The following AFM variants were observed in gnomAD, a reference collection of about 807,000 sequenced individuals.
AFM encodes the protein alpha-Alb.
In AFM, 82 loss-of-function variants were observed where a neutral mutation model predicts 68.7. The observed-to-expected ratio is 1.19, with a 90% CI of 1.00 to 1.43. The LOEUF is 1.43. Ranked by LOEUF, AFM falls within the 40% of genes most tolerant of loss-of-function variation. The pLI is 0.00. For synonymous variants in AFM, 250 were observed against 234.2 expected (o/e 1.07, Z -0.61); for missense variants, 772 against 701.8 (o/e 1.10, Z -1.13).
rs546503931 is a variant in AFM, at chr4:73,501,548, T to C, written c.1647-239T>C. On this transcript the variant is annotated intron_variant, in intron 12 of 14. Coordinates refer to ENST00000226355, the MANE Select transcript of AFM (RefSeq NM_001133.2). ...TTCTCGTCATCCCTCTCTTCCTCCT[T>C]GTTAATACTTTTTGTATAATTTTGT... Among the ~76,000 whole-genome samples the C allele has an allele frequency of 1.4e-3, 208 of 152,238 alleles. 2 individuals carry two copies. Among genetic ancestry groups the C allele is most frequent in the Non-Finnish European group, 2.6e-3 (174 of 68,016 alleles).
chr4:73,486,933 C>T, intron 4 of AFM, 34 bp from the exon 5 acceptor site: 1 of 1,600,002 alleles, frequency 6.2e-7, no homozygotes, highest in Non-Finnish European at 8.5e-7. Context: ...TCTTCCCTCA[C>T]CCGTCTTCTC....
Position 73,488,680 on chromosome 4 carries a change from T to G in AFM, c.764T>G (p.Leu255Arg). 4 of 1,613,062 alleles carry G rather than the reference T, an allele frequency of 2.5e-6. No individual in the cohort carries two copies. Among genetic ancestry groups the G allele is most frequent in the Non-Finnish European group, 3.4e-6 (4 of 1,179,330 alleles). Reference protein sequence around the residue: ...QKFPKIEFKELISLVEDVSSN... With the variant: ...QKFPKIEFKERISLVEDVSSN... ...TTCCCCAAGATTGAATTTAAGGAGCTTATTTCTCTTGTAGAAGATGTTTCT... is the reference window on the plus strand; with the variant it reads ...TTCCCCAAGATTGAATTTAAGGAGCGTATTTCTCTTGTAGAAGATGTTTCT... Residue 255 changes from leucine (L) to arginine (R), a missense_variant, in exon 7 of 15, where the codon CTT (leucine) becomes CGT (arginine). Physicochemically the swap from Leu to Arg is moderately radical, Grantham distance 102 (BLOSUM62 -2). Coordinates refer to ENST00000226355, the MANE Select transcript of AFM (RefSeq NM_001133.2).
rs755167526 is a variant in AFM, at chr4:73,499,258, C to T, written c.1422+12C>T. The stretch of plus-strand genomic sequence containing the variant: ...GTGTTGATAATTTGGTGAGCATGGC[C>T]TGTGTACCAGACTACTCTTTTTTTT... On this transcript the variant is annotated intron_variant, in intron 11 of 14. Coordinates refer to ENST00000226355, the MANE Select transcript of AFM (RefSeq NM_001133.2). The T allele has an allele frequency of 6.3e-7, 1 of 1,588,392 alleles. No homozygotes were observed. Among genetic ancestry groups the T allele is most frequent in the South Asian group, 1.1e-5 (1 of 87,370 alleles).
chr4:73,502,746 T>C (rs2149347617), intron 13 of AFM, among the ~76,000 whole-genome samples: 2 of 152,290 alleles, frequency 1.3e-5, no homozygotes, highest in South Asian at 4.1e-4. Flanking sequence ...TTTTCTGGGG[T>C]ACATATTACT....
chr4:73,485,907 CA>C lies in AFM; in HGVS notation c.320del (p.Lys107SerfsTer53). 6.2e-7 allele frequency: 1 copy of C among 1,614,036 alleles called. No homozygotes were observed. The highest frequency in any genetic ancestry group is 1.1e-5 in the South Asian group (1 of 91,074). ...AATATGTGCTATGGAGGGGCTGCCACAAAAGCATAATTTCTCACACTGCTGC... is the reference window on the plus strand; with the variant it reads ...AATATGTGCTATGGAGGGGCTGCCACAAAGCATAATTTCTCACACTGCTGC... ...EKICAMEGLP[Q>X]KHNFSHCCSK... is the part of the protein sequence containing the mutation. On this transcript the variant is annotated frameshift_variant, in exon 4 of 15. Coordinates refer to ENST00000226355, the MANE Select transcript of AFM (RefSeq NM_001133.2). LOFTEE classifies it high-confidence loss of function.
intron 7 of AFM, 61 bp downstream of exon 7, chr4:73,488,820 C>T (rs1228648516): frequency 3.3e-6 from 5 of 1,537,542 alleles, no homozygotes; most frequent in Non-Finnish European, 4.4e-6. Flanking sequence ...TTTTTTTATT[C>T]TCAAGTTGCC....
chr4:73,487,208 T>G, intron 5 of AFM, 109 bp downstream of exon 5: 1 of 1,156,538 alleles, frequency 8.6e-7, no homozygotes, highest in Non-Finnish European at 1.2e-6. Context: ...TATGATGTTC[T>G]CTTGTCACAT....
chr4:73,488,868 G>A, intron 7 of AFM, 109 bp downstream of exon 7: 1 of 1,057,668 alleles, frequency 9.5e-7, no homozygotes, highest in Non-Finnish European at 1.4e-6. Flanking sequence ...AAATCAGAAT[G>A]TGATTTAACT....
At chr4:73,487,128 G>C (rs753878506) in intron 5 of AFM, 29 bp downstream of exon 5, 1 of 1,612,084 alleles carries the variant, frequency 6.2e-7, no homozygotes, top group Admixed American at 1.7e-5. Context: ...CCATGAAGAG[G>C]ATAAGAAATC....
chr4:73,486,156 C>A, intron 4 of AFM, 83 bp downstream of exon 4: 1 of 1,131,732 alleles, frequency 8.8e-7, no homozygotes, highest in Non-Finnish European at 1.3e-6. Flanking sequence ...ATAAATATGG[C>A]TGGGTTCATT....
At chr4:73,498,326 C>A (rs951738838) in intron 10 of AFM, among the ~76,000 whole-genome samples, 2 of 151,942 alleles carry the variant, frequency 1.3e-5, no homozygotes, top group Non-Finnish European at 2.9e-5. Context: ...CTCTCTGTCA[C>A]CCAGGCTGGA....
In AFM at chr4:73,486,982, TG is replaced by T; in HGVS notation, c.499del (p.Ala167ProfsTer13). 1 of 1,613,462 alleles carries T rather than the reference TG, an allele frequency of 6.2e-7. No homozygotes were observed. On this transcript the variant is annotated frameshift_variant, in exon 5 of 15. Coordinates refer to ENST00000226355, the MANE Select transcript of AFM (RefSeq NM_001133.2). LOFTEE classifies it high-confidence loss of function. The stretch of plus-strand genomic sequence containing the variant: ...TTTTTTATAGCTTTTTATATGAAGT[TG>T]CCAGAAGGAACCCATTTGTCTTCGC... ...SLLNHFLYEV[A>X]RRNPFVFAPT... is the part of the protein sequence containing the mutation.
chr4:73,487,999 T>C (rs926247146), intron 6 of AFM, among the ~76,000 whole-genome samples, 178 bp downstream of exon 6: 1 of 151,970 alleles, frequency 6.6e-6, no homozygotes, highest in South Asian at 2.1e-4. Context: ...GAGAGAAGTT[T>C]TGGGAGGTGA....
rs2276444 is a variant in AFM, at chr4:73,497,670, A to T, written c.1210A>T (p.Thr404Ser). 905 of 1,605,894 alleles carry T rather than the reference A, an allele frequency of 5.6e-4. 13 individuals carry two copies. The East Asian group carries it at 0.017, about 30-fold the overall frequency. The stretch of plus-strand genomic sequence containing the variant: ...TTTTCAGGAAGACAAATTCAATGAG[A>T]CAACTGAGAAAAGCCTCAAGATGGT... Reference protein sequence around the residue: ...YRYAEDKFNETTEKSLKMVQQ... With the variant: ...YRYAEDKFNESTEKSLKMVQQ... The change falls in exon 10 of 15, where the codon ACA becomes TCA. Residue 404 changes from threonine to serine, a missense_variant. By Grantham distance (58) the Thr-to-Ser change is moderately conservative (BLOSUM62 1). Coordinates refer to ENST00000226355, the MANE Select transcript of AFM (RefSeq NM_001133.2).
At chr4:73,483,522 C>G (rs1466404106) in intron 1 of AFM, among the ~76,000 whole-genome samples, 2 of 152,230 alleles carry the variant, frequency 1.3e-5, no homozygotes, top group Non-Finnish European at 2.9e-5. Flanking sequence ...GCGCTAAAAA[C>G]TATGCTGACC....
chr4:73,498,693 A>G (rs887464253), intron 10 of AFM, among the ~76,000 whole-genome samples: 1 of 152,208 alleles, frequency 6.6e-6, no homozygotes, highest in African/African-American at 2.4e-5. Context: ...GACAATTCAA[A>G]CTTAGTTCAT....
In AFM at chr4:73,494,903, G is replaced by A. The variant is rs78870670; in HGVS notation, c.1059-397G>A. On this transcript the variant is annotated intron_variant, in intron 8 of 14. Coordinates refer to ENST00000226355, the MANE Select transcript of AFM (RefSeq NM_001133.2). ...CTCTCACGAAGACCACATTGTGGGC[G>A]GGAAGGAAGCCATATTCCCAGCATG... 9.2e-3 allele frequency among the ~76,000 whole-genome samples: 1,408 copies of A among 152,250 alleles called. 13 individuals are homozygous for A. The highest frequency in any genetic ancestry group is 0.03 in the African/African-American group (1,262 of 41,534).
chr4:73,486,990 G>A lies in AFM; in HGVS notation c.506G>A (p.Arg169Lys), dbSNP rs1720918023. 1 of 1,613,182 alleles carries A rather than the reference G, an allele frequency of 6.2e-7. No homozygotes were observed. Among genetic ancestry groups the A allele is most frequent in the South Asian group, 1.1e-5 (1 of 90,922 alleles). Residue 169 changes from arginine (R) to lysine (K), a missense_variant, in exon 5 of 15, where the codon AGG (arginine) becomes AAG (lysine). Transcript: ENST00000226355. ...AGCTTTTTATATGAAGTTGCCAGAA[G>A]GAACCCATTTGTCTTCGCCCCTACA... ...LNHFLYEVAR[R>K]NPFVFAPTLL...
intron 9 of AFM, 81 bp downstream of exon 9, chr4:73,495,513 G>A: frequency 6.5e-7 from 1 of 1,541,754 alleles, no homozygotes; most frequent in East Asian, 2.3e-5. Flanking sequence ...GAGTTTTGCT[G>A]CAGTCTGGGG....
Sources: allele counts gnomAD v4.1 joint callset (sites outside exome capture counted in the v4.1 genomes callset), GRCh38; gene constraint gnomAD v4.1.1; transcripts MANE v1.5; gene names NCBI Gene and HGNC (gene_info 2026-07-23, HGNC 2026-07-21).